Variants in COXFA4L3 observed in about 807,000 individuals in gnomAD.
COXFA4L3 encodes cytochrome c oxidase associated subunit FA4L3.
the COXFA4L3 span, chr15:45,432,088 A>G: frequency 1.2e-6 from 2 of 1,613,646 alleles, no homozygotes; most frequent in Middle Eastern, 3.3e-4. Context: ...TCGAAAAAAA[A>G]ATCCAGAACC....
At chr15:45,431,645 G>T in the COXFA4L3 span, among the ~76,000 whole-genome samples, 1 of 152,180 alleles carries the variant, frequency 6.6e-6, no homozygotes, top group East Asian at 1.9e-4. Context: ...TTGGAGGCTG[G>T]TGCAGGGCTG....
the COXFA4L3 span, chr15:45,433,012 A>G: frequency 4.3e-6 from 7 of 1,613,366 alleles, no homozygotes; most frequent in African/African-American, 9.3e-5. Flanking sequence ...AGGGTGACCA[A>G]ATGACGAGCC....
chr15:45,430,623 T>C, the COXFA4L3 span: 1 of 628,346 alleles, frequency 1.6e-6, no homozygotes, highest in East Asian at 2.8e-5. Context: ...TTCCGGGCGT[T>C]ACCATCGTCC....
chr15:45,432,802 A>G, the COXFA4L3 span: 4 of 641,380 alleles, frequency 6.2e-6, no homozygotes, highest in Non-Finnish European at 1.1e-5. Flanking sequence ...TATTTTGTGC[A>G]TGTTTTAGAT....
chr15:45,431,154 A>C, the COXFA4L3 span: 1 of 1,358,276 alleles, frequency 7.4e-7, no homozygotes, highest in South Asian at 1.3e-5. Context: ...TATGAAATGT[A>C]TAAGTTTCCT....
chr15:45,430,813 T>A, the COXFA4L3 span: 1 of 1,611,550 alleles, frequency 6.2e-7, no homozygotes, highest in African/African-American at 1.3e-5. Flanking sequence ...TTTTTCCAAC[T>A]CCTGATGAAA....
the COXFA4L3 span, chr15:45,431,176 A>T: frequency 9.6e-7 from 1 of 1,043,516 alleles, no homozygotes; most frequent in South Asian, 1.7e-5. Context: ...TTTTTTTCCC[A>T]TGGATGAGAA....
At chr15:45,432,154 AT>A in the COXFA4L3 span, 1 of 1,605,728 alleles carries the variant, frequency 6.2e-7, no homozygotes. Context: ...TTAAAAACAA[AT>A]GATTTATATT....
chr15:45,431,966 G>A, the COXFA4L3 span: 1 of 874,238 alleles, frequency 1.1e-6, no homozygotes, highest in Non-Finnish European at 1.8e-6. Context: ...GCAGACACAT[G>A]CCTTAGTATG....
At chr15:45,432,916 A>G in the COXFA4L3 span, 1 of 1,557,114 alleles carries the variant, frequency 6.4e-7, no homozygotes, top group Non-Finnish European at 8.7e-7. Context: ...TTTTTAACAA[A>G]AGGTTTTTTT....
the COXFA4L3 span, chr15:45,432,275 A>G: frequency 7.5e-6 from 5 of 663,324 alleles, no homozygotes; most frequent in Non-Finnish European, 1.3e-5. Flanking sequence ...AGGAAATTTT[A>G]AGAGCCTACT....
chr15:45,432,383 G>A, the COXFA4L3 span, among the ~76,000 whole-genome samples: 6 of 152,292 alleles, frequency 3.9e-5, no homozygotes, highest in South Asian at 4.1e-4. Context: ...TCTGGATACC[G>A]GCCAGGCACG....
At chr15:45,431,213 G>T in the COXFA4L3 span, 1 of 622,992 alleles carries the variant, frequency 1.6e-6, no homozygotes, top group African/African-American at 1.9e-5. Flanking sequence ...GGGAGTCAGG[G>T]TTAAAAAGCA....
the COXFA4L3 span, chr15:45,430,868 G>A: frequency 6.3e-7 from 1 of 1,592,862 alleles, no homozygotes; most frequent in African/African-American, 1.4e-5. Flanking sequence ...CTTGACTAAA[G>A]TTTTCATTTT....
the COXFA4L3 span, chr15:45,432,150 A>G: frequency 6.2e-7 from 1 of 1,607,978 alleles, no homozygotes; most frequent in South Asian, 1.1e-5. Context: ...TAAATTAAAA[A>G]CAAATGATTT....
At chr15:45,431,176 A>G in the COXFA4L3 span, 3 of 1,043,516 alleles carry the variant, frequency 2.9e-6, no homozygotes, top group East Asian at 7.8e-5. Flanking sequence ...TTTTTTTCCC[A>G]TGGATGAGAA....
the COXFA4L3 span, chr15:45,431,269 A>C: frequency 2.3e-6 from 1 of 443,526 alleles, no homozygotes; most frequent in East Asian, 3.4e-5. Context: ...AATGGGTCAG[A>C]AAATGAAAAT....
the COXFA4L3 span, chr15:45,430,713 G>A: frequency 1.5e-6 from 2 of 1,351,864 alleles, no homozygotes; most frequent in Non-Finnish European, 2.1e-6. Context: ...CCTGCGGAGC[G>A]CGGTGGACGG....
the COXFA4L3 span, chr15:45,431,292 A>G: frequency 2.4e-6 from 1 of 420,606 alleles, no homozygotes; most frequent in South Asian, 5.3e-5. Flanking sequence ...GAAAAAAAAA[A>G]GAAAAAATTT....
Sources: gnomAD v4.1 joint callset for allele counts (sites outside exome capture counted in the v4.1 genomes callset) on GRCh38, gnomAD v4.1.1 for gene constraint, MANE v1.5 for transcripts, NCBI Gene and HGNC (gene_info 2026-07-23, HGNC 2026-07-21) for gene names.